The following SCN10A variants were observed in gnomAD, a reference collection of about 807,000 sequenced individuals.
SCN10A encodes the protein sodium voltage-gated channel alpha subunit 10.
In SCN10A, 162 loss-of-function variants were observed where a neutral mutation model predicts 170.7. The observed-to-expected ratio is 0.95, with a 90% CI of 0.84 to 1.08. The LOEUF (loss-of-function observed/expected upper bound fraction) is 1.08. SCN10A is among the 50% of genes least tolerant of loss of function. SCN10A has a pLI of 0.00. For missense variants in SCN10A, 2,527 were observed against 2,436.9 expected (o/e 1.04, Z -0.78); for synonymous variants, 985 against 904.6 (o/e 1.09, Z -1.59).
At chr3:38,782,159 A>C (rs1238049077) in intron 4 of SCN10A, among the ~76,000 whole-genome samples, 4 of 152,138 alleles carry the variant, frequency 2.6e-5, no homozygotes, top group Admixed American at 6.5e-5. Flanking sequence ...TTTATTTGTC[A>C]ACTTTAAATA....
chr3:38,772,266 G>A (rs2064009685), intron 4 of SCN10A, among the ~76,000 whole-genome samples: 1 of 149,996 alleles, frequency 6.7e-6, no homozygotes, highest in South Asian at 2.1e-4. Context: ...CAGCCAAGGA[G>A]CATCAGGAAT....
chr3:38,725,213 C>T lies in SCN10A; in HGVS notation c.3189G>A (p.Glu1063=). The change falls in exon 18 of 28, where the codon GAG becomes GAA. Residue 1063 remains glutamate (E), a synonymous_variant. Coordinates refer to ENST00000449082, the MANE Select transcript of SCN10A (RefSeq NM_006514.4). The stretch of plus-strand genomic sequence containing the variant: ...GAGGAACAGACTCATCTTTCCACGT[C>T]TCACCCAGGGATGGAGCCAGGTCCT... ...SSEDLAPSLG[E]TWKDESVPQV... 1 of 1,606,760 alleles carries T rather than the reference C, an allele frequency of 6.2e-7. No individual in the cohort carries two copies. Among genetic ancestry groups the T allele is most frequent in the Non-Finnish European group, 8.5e-7 (1 of 1,174,676 alleles).
chr3:38,778,171 G>C (rs749138801), intron 4 of SCN10A, among the ~76,000 whole-genome samples: 8 of 152,014 alleles, frequency 5.3e-5, no homozygotes, highest in Non-Finnish European at 1.0e-4. Context: ...CCCGTTTGCA[G>C]TAGATTCAGC....
chr3:38,787,647 A>G (rs567730925), intron 4 of SCN10A, among the ~76,000 whole-genome samples: 2 of 151,792 alleles, frequency 1.3e-5, no homozygotes, highest in South Asian at 4.2e-4. Context: ...AACAATGAAT[A>G]CCCTTTATCA....
In SCN10A at chr3:38,697,906, AGAGAGT is replaced by A. The variant is rs769329264; in HGVS notation, c.5308_5313del (p.Thr1770_Leu1771del). ...GGTTTTGGGATTCTCAGGGGACCAG[AGAGAGT>A]GTCTGCAAAGTCCGAGAGAGCAGAA... is the stretch of plus-strand genomic sequence containing the variant. On this transcript the variant is annotated inframe_deletion, in exon 28 of 28. Transcript: ENST00000449082. The A allele has an allele frequency of 4.3e-6, 7 of 1,613,968 alleles. No individual in the cohort carries two copies. In the Admixed American group the frequency reaches 1.2e-4, roughly 27 times the overall value.
In SCN10A at chr3:38,712,235, C is replaced by T. The variant is rs942103215; in HGVS notation, c.4015G>A (p.Gly1339Ser). 3 of 1,614,058 alleles carry T rather than the reference C, an allele frequency of 1.9e-6. No homozygotes were observed. The highest frequency in any genetic ancestry group is 2.7e-5 in the African/African-American group (2 of 74,920). Residue 1339 changes from glycine to serine, a missense_variant, in exon 23 of 28, where the codon GGC becomes AGC. Gly to Ser is a moderately conservative substitution (Grantham distance 56). Coordinates refer to ENST00000449082, the MANE Select transcript of SCN10A (RefSeq NM_006514.4). Reference sequence around the variant, plus strand: ...TTCACATTGACCCAGAAGAAGCTGCCAGTGGAGTTTTGAATCTTGCAGTCA... The same window carrying T: ...TTCACATTGACCCAGAAGAAGCTGCTAGTGGAGTTTTGAATCTTGCAGTCA... ...KSDCKIQNSTGSFFWVNVKVN... is the reference protein window; with the variant it reads ...KSDCKIQNSTSSFFWVNVKVN...
rs775185585 is a variant in SCN10A at position 38,714,071 on chromosome 3, T to A, written c.3691A>T (p.Ile1231Leu). 9.3e-6 allele frequency: 15 copies of A among 1,614,070 alleles called. No homozygotes were observed. Among genetic ancestry groups the A allele is most frequent in the Non-Finnish European group, 1.3e-5 (15 of 1,180,030 alleles). The change falls in exon 22 of 28, where the codon ATA becomes TTA. Residue 1231 changes from isoleucine to leucine, a missense_variant. Physicochemically the swap from Ile to Leu is conservative, Grantham distance 5 (BLOSUM62 2). Transcript: ENST00000449082. ...LDFLIVNISL[I>L]SLTAKILEYS... ...TCCAGAATCTTCGCTGTGAGACTTA[T>A]CAGTGAGATCTGAGTGCAGGAGAGG...
intron 12 of SCN10A, 113 bp from the exon 13 acceptor site, chr3:38,750,297 C>T: frequency 1.6e-6 from 1 of 606,864 alleles, no homozygotes; most frequent in African/African-American, 1.8e-5. Flanking sequence ...ATGTCACTTA[C>T]AGATAGAGAT....
chr3:38,708,845 G>A (rs2063239159), intron 25 of SCN10A, among the ~76,000 whole-genome samples: 1 of 152,204 alleles, frequency 6.6e-6, no homozygotes, highest in Non-Finnish European at 1.5e-5. Context: ...ACTTATCCAT[G>A]TAGCCCCTTT....
intron 21 of SCN10A, among the ~76,000 whole-genome samples, chr3:38,717,862 G>A (rs1575947196): frequency 6.6e-6 from 1 of 152,248 alleles, no homozygotes; most frequent in African/African-American, 2.4e-5. Flanking sequence ...AGCAAAGAAG[G>A]TAGTGGCCTA....
intron 1 of SCN10A, among the ~76,000 whole-genome samples, chr3:38,804,777 A>G (rs770361485): frequency 1.3e-4 from 20 of 152,164 alleles, no homozygotes; most frequent in African/African-American, 2.9e-4. Context: ...AGATCTGGAT[A>G]AAAGTCGTTC....
At chr3:38,767,889 GT>G in intron 5 of SCN10A, among the ~76,000 whole-genome samples, 1 of 152,044 alleles carries the variant, frequency 6.6e-6, no homozygotes. Flanking sequence ...CTTAGGTCTA[GT>G]AGTAATTGTT....
chr3:38,741,623 C>A (rs1421313848), intron 14 of SCN10A, among the ~76,000 whole-genome samples: 1 of 152,078 alleles, frequency 6.6e-6, no homozygotes, highest in Non-Finnish European at 1.5e-5. Context: ...GATACTTTAT[C>A]CAGTATATAG....
chr3:38,774,742 T>A (rs2064050942), intron 4 of SCN10A, among the ~76,000 whole-genome samples: 1 of 152,220 alleles, frequency 6.6e-6, no homozygotes, highest in African/African-American at 2.4e-5. Flanking sequence ...AAACTCTGTG[T>A]AAGCCCTTCC....
intron 21 of SCN10A, among the ~76,000 whole-genome samples, chr3:38,714,474 GA>G (rs2125991519): frequency 6.6e-6 from 1 of 152,300 alleles, no homozygotes; most frequent in East Asian, 1.9e-4. Flanking sequence ...GCTATGCTGA[GA>G]GTCTATTCTG....
intron 5 of SCN10A, among the ~76,000 whole-genome samples, chr3:38,768,789 T>C (rs2063964160): frequency 6.6e-6 from 1 of 152,204 alleles, no homozygotes; most frequent in Non-Finnish European, 1.5e-5. Flanking sequence ...TGTATTTGGA[T>C]ATCTATATTT....
chr3:38,778,057 T>C (rs2064096984), intron 4 of SCN10A, among the ~76,000 whole-genome samples: 1 of 152,046 alleles, frequency 6.6e-6, no homozygotes, highest in South Asian at 2.1e-4. Context: ...AAAAACATAA[T>C]TTTAAAACAT....
chr3:38,791,941 T>C (rs1365953063), intron 3 of SCN10A, 109 bp downstream of exon 3: 22 of 1,402,548 alleles, frequency 1.6e-5, no homozygotes, highest in Middle Eastern at 1.9e-4. Flanking sequence ...ATTGTACTTT[T>C]GGGATTCAAT....
chr3:38,707,645 G>A (rs561620672), intron 25 of SCN10A, among the ~76,000 whole-genome samples: 5 of 152,146 alleles, frequency 3.3e-5, no homozygotes, highest in African/African-American at 4.8e-5. Context: ...ATAAAGGGTG[G>A]GGAGGGTTGG....
Sources: allele counts gnomAD v4.1 joint callset (sites outside exome capture counted in the v4.1 genomes callset), GRCh38; gene constraint gnomAD v4.1.1; transcripts MANE v1.5; gene names NCBI Gene and HGNC (gene_info 2026-07-23, HGNC 2026-07-21).